RMC1: variants seen among roughly 807,000 people sequenced by gnomAD.
The protein encoded by RMC1 is regulator of MON1-CCZ1.
Under a neutral mutation model 95.5 loss-of-function variants are expected in RMC1, and 44 were observed. That is an observed-to-expected ratio of 0.46 (90% CI 0.36 to 0.59). The LOEUF (loss-of-function observed/expected upper bound fraction) is 0.59, where lower values mean the gene tolerates loss of function less well. Ranked by LOEUF, RMC1 falls within the 20% of genes least tolerant of loss-of-function variation. The pLI, the probability that RMC1 is intolerant of heterozygous loss-of-function variation, is 0.00. For synonymous variants in RMC1, 320 were observed against 303.6 expected, an observed-to-expected ratio of 1.05 and a Z score of -0.56; for missense variants, 705 against 819.6, an observed-to-expected ratio of 0.86 and a Z score of 1.71.
intron 7 of RMC1, among the ~76,000 whole-genome samples, chr18:23,517,445 G>C (rs1056795882): frequency 2.0e-5 from 3 of 152,186 alleles, no homozygotes; most frequent in African/African-American, 7.2e-5. Context: ...ACCACGCCTG[G>C]CAGTACGGAG....
In RMC1 at chr18:23,526,644, C is replaced by T. The variant is rs776096725; in HGVS notation, c.1068C>T (p.Leu356=). The part of the protein sequence containing the change: ...DIIISASQGY[L]WNLQVKLEPI... ...CTGCCTCTTAAAATCCAGGTTACCT[C>T]TGGAACCTCCAAGTGAAACTTGAGC... Residue 356 remains leucine, a synonymous_variant, in exon 13 of 20, where the codon CTC becomes CTT. Transcript: ENST00000269221. 9 of 1,613,906 alleles carry T rather than the reference C, an allele frequency of 5.6e-6. No homozygotes were observed. The highest frequency in any genetic ancestry group is 7.6e-6 in the Non-Finnish European group (9 of 1,179,952).
intron 13 of RMC1, among the ~76,000 whole-genome samples, chr18:23,527,005 G>C (rs2058316389): frequency 6.6e-6 from 1 of 152,132 alleles, no homozygotes; most frequent in Non-Finnish European, 1.5e-5. Context: ...GGGCACACAG[G>C]AGGGGAGTGG....
chr18:23,521,764 A>G (rs2058148858), intron 10 of RMC1, among the ~76,000 whole-genome samples: 2 of 150,940 alleles, frequency 1.3e-5, no homozygotes, highest in Non-Finnish European at 2.9e-5. Context: ...CAAGATCAAG[A>G]TGTCTGCAGG....
upstream of RMC1, chr18:23,503,479 T>C: frequency 2.4e-6 from 1 of 410,198 alleles, no homozygotes. Flanking sequence ...GGTGGGGGCG[T>C]GGCACCAGGA....
intron 2 of RMC1, 150 bp downstream of exon 2, chr18:23,504,597 G>T: frequency 1.6e-6 from 1 of 634,502 alleles, no homozygotes; most frequent in East Asian, 2.8e-5. Flanking sequence ...TGTAGGGAGG[G>T]TCTTCGTGGC....
At position 23,503,631 on chromosome 18, in the gene RMC1, G is replaced by A. The variant is rs769099314; in HGVS notation, c.13G>A (p.Asp5Asn). 7 of 1,569,562 alleles carry A rather than the reference G, an allele frequency of 4.5e-6. No individual in the cohort carries two copies. Among genetic ancestry groups the A allele is most frequent in the East Asian group, 5.1e-5 (2 of 39,104 alleles). Residue 5 changes from aspartate (D) to asparagine (N), a missense_variant, in exon 1 of 20, where the codon GAC becomes AAC. By Grantham distance (23) the Asp-to-Asn change is conservative. Transcript: ENST00000269221. MGEE[D>N]YYLELCERPV... ...CGCGGCGCCCGCCATGGGCGAGGAGGACTACTATCTGGAGCTGTGCGAGCG... is the reference window on the plus strand; with the variant it reads ...CGCGGCGCCCGCCATGGGCGAGGAGAACTACTATCTGGAGCTGTGCGAGCG...
chr18:23,517,803 C>G (rs1459938070), intron 7 of RMC1, among the ~76,000 whole-genome samples: 1 of 152,116 alleles, frequency 6.6e-6, no homozygotes, highest in South Asian at 2.1e-4. Flanking sequence ...CCACAACCTC[C>G]GCCTTCTAGG....
intron 19 of RMC1, among the ~76,000 whole-genome samples, 197 bp downstream of exon 19, chr18:23,530,809 A>G (rs1204900339): frequency 6.6e-6 from 1 of 152,148 alleles, no homozygotes; most frequent in Non-Finnish European, 1.5e-5. Context: ...ATGCTCTGGA[A>G]CTCACCGAGG....
intron 1 of RMC1, 36 bp downstream of exon 1, chr18:23,503,756 C>T: frequency 6.4e-7 from 1 of 1,568,392 alleles, no homozygotes; most frequent in Non-Finnish European, 8.6e-7. Context: ...CCGCGCGGCC[C>T]TGCCGGGGTC....
chr18:23,511,221 C>T (rs574626974), intron 5 of RMC1, among the ~76,000 whole-genome samples: 1 of 152,180 alleles, frequency 6.6e-6, no homozygotes, highest in South Asian at 2.1e-4. Context: ...CAAACTAACA[C>T]AGGAACAGAA....
At chr18:23,510,578 C>T (rs541277461) in intron 5 of RMC1, among the ~76,000 whole-genome samples, 169 of 151,700 alleles carry the variant, frequency 1.1e-3, no homozygotes, top group African/African-American at 3.8e-3. Flanking sequence ...ACCTGGAAGG[C>T]GGAGCTTGTA....
At chr18:23,530,321 A>T (rs375373261) in intron 18 of RMC1, 24 bp downstream of exon 18, 3 of 1,614,168 alleles carry the variant, frequency 1.9e-6, no homozygotes, top group Non-Finnish European at 1.7e-6. Flanking sequence ...GTGAGGTTTT[A>T]GACTATGGAA....
At position 23,503,546 on chromosome 18, in the gene RMC1, C is replaced by G. The variant is rs1003570873; in HGVS notation, c.-73C>G. 1.2e-5 allele frequency: 14 copies of G among 1,120,202 alleles called. No individual in the cohort carries two copies. The highest frequency in any genetic ancestry group is 1.6e-5 in the Non-Finnish European group (13 of 825,446). The allele number at this position is 1,120,202 out of a possible 1,614,324, so 69.4% of individuals were successfully genotyped here. On this transcript the variant is annotated 5_prime_UTR_variant, in exon 1 of 20. Transcript: ENST00000269221. ...CCGCAGCCGCCGCTACAGTCCGGGCCGGGCTCCACCGCGCATCCTGCTCCA... is the reference window on the plus strand; with the variant it reads ...CCGCAGCCGCCGCTACAGTCCGGGCGGGGCTCCACCGCGCATCCTGCTCCA...
chr18:23,525,159 T>A (rs1270580431), intron 12 of RMC1, among the ~76,000 whole-genome samples: 1 of 151,786 alleles, frequency 6.6e-6, no homozygotes, highest in Non-Finnish European at 1.5e-5. Flanking sequence ...TTGGTCAGGC[T>A]GGTCTCAAAC....
intron 7 of RMC1, among the ~76,000 whole-genome samples, chr18:23,518,121 G>A (rs1375106333): frequency 6.6e-6 from 1 of 152,236 alleles, no homozygotes; most frequent in Non-Finnish European, 1.5e-5. Context: ...CCCTGGGCAG[G>A]CCCAGCACAG....
At chr18:23,513,097 G>T (rs2057906749) in intron 5 of RMC1, among the ~76,000 whole-genome samples, 1 of 152,140 alleles carries the variant, frequency 6.6e-6, no homozygotes, top group African/African-American at 2.4e-5. Context: ...GGGATTACAG[G>T]TGTGCGCCAC....
intron 19 of RMC1, among the ~76,000 whole-genome samples, chr18:23,531,191 A>G (rs1026791867): frequency 1.3e-5 from 2 of 151,978 alleles, no homozygotes; most frequent in African/African-American, 4.8e-5. Flanking sequence ...GGGTTTTACT[A>G]TATTGTCCAG....
intron 5 of RMC1, among the ~76,000 whole-genome samples, chr18:23,510,569 C>T (rs1381605949): frequency 2.0e-5 from 3 of 152,080 alleles, no homozygotes; most frequent in Admixed American, 1.3e-4. Flanking sequence ...ATTGCTTGAA[C>T]CTGGAAGGCG....
At position 23,527,782 on chromosome 18, in the gene RMC1, T is replaced by C. The variant is rs1179145174; in HGVS notation, c.1190-13T>C. The C allele has an allele frequency of 1.2e-6, 2 of 1,609,264 alleles. No homozygotes were observed. The highest frequency in any genetic ancestry group is 2.7e-5 in the African/African-American group (2 of 74,812). Reference sequence around the variant, plus strand: ...GTTGGTTTGATCCGTGTGTGAACATTGTGCCTTTCCAGTGTTAAGTGAGTC... The same window carrying C: ...GTTGGTTTGATCCGTGTGTGAACATCGTGCCTTTCCAGTGTTAAGTGAGTC... On this transcript the variant is annotated splice_polypyrimidine_tract_variant and intron_variant, in intron 13 of 19. Transcript: ENST00000269221.
Sources: allele counts gnomAD v4.1 joint callset (sites outside exome capture counted in the v4.1 genomes callset), GRCh38; gene constraint gnomAD v4.1.1; transcripts MANE v1.5; gene names NCBI Gene and HGNC (gene_info 2026-07-23, HGNC 2026-07-21).